Variants in PCMTD1 observed in about 807,000 individuals in gnomAD.
The protein encoded by PCMTD1 is protein-L-isoaspartate (D-aspartate) O-methyltransferase domain containing 1.
A neutral mutation model predicts 37.6 loss-of-function variants in PCMTD1; 12 were observed. That is an observed-to-expected ratio of 0.32 (90% CI 0.20 to 0.52). The LOEUF is 0.52. Ranked by LOEUF, PCMTD1 falls within the 20% of genes least tolerant of loss-of-function variation. The pLI is 0.97. For missense variants in PCMTD1, 235 were observed against 421.3 expected (o/e 0.56, Z 3.87); for synonymous variants, 117 against 135.8 (o/e 0.86, Z 0.96).
chr8:51,837,954 T>C (rs1425155821), intron 3 of PCMTD1, among the ~76,000 whole-genome samples: 1 of 152,078 alleles, frequency 6.6e-6, no homozygotes, highest in African/African-American at 2.4e-5. Flanking sequence ...TAATTTTTTG[T>C]ATTTTAGTAG....
chr8:51,850,217 G>A, intron 2 of PCMTD1: 3 of 592,094 alleles, frequency 5.1e-6, no homozygotes, highest in Non-Finnish European at 9.0e-6. Context: ...AGTAGTCCCT[G>A]GGAAAAAGCA....
At chr8:51,899,140 C>T, upstream of PCMTD1, 3 of 1,364,356 alleles carry the variant, frequency 2.2e-6, no homozygotes, top group South Asian at 1.6e-5. Flanking sequence ...ACAGGGGCAG[C>T]TCCCCGCGGA....
intron 1 of PCMTD1, among the ~76,000 whole-genome samples, chr8:51,869,532 T>C (rs1381443433): frequency 6.6e-6 from 1 of 152,112 alleles, no homozygotes; most frequent in Non-Finnish European, 1.5e-5. Flanking sequence ...AGTTATCTAG[T>C]AATGGCTGCT....
intron 5 of PCMTD1, among the ~76,000 whole-genome samples, chr8:51,824,257 G>C: frequency 6.6e-6 from 1 of 152,160 alleles, no homozygotes; most frequent in East Asian, 1.9e-4. Flanking sequence ...AAGTCAAATT[G>C]TCTCTGTTTG....
At chr8:51,881,648 CAACT>C (rs34876270) in intron 1 of PCMTD1, among the ~76,000 whole-genome samples, 104,032 of 151,584 alleles carry the variant, frequency 0.69, 42,145 homozygotes, top group Non-Finnish European at 0.9. Context: ...GGCATTCAAC[CAACT>C]GTTTTAGAAT....
intron 1 of PCMTD1, among the ~76,000 whole-genome samples, chr8:51,877,688 T>C (rs893248161): frequency 1.3e-5 from 2 of 152,196 alleles, no homozygotes; most frequent in Admixed American, 1.3e-4. Context: ...CCTACTGATA[T>C]ATGCCCTGAG....
intron 1 of PCMTD1, among the ~76,000 whole-genome samples, chr8:51,889,169 T>C (rs1007693625): frequency 2.0e-5 from 3 of 152,212 alleles, no homozygotes; most frequent in Non-Finnish European, 2.9e-5. Context: ...CAGTCCAAGT[T>C]TGGCCTCTAC....
Position 51,898,948 on chromosome 8 carries a change from C to G in PCMTD1, c.-114G>C. 1 of 1,418,432 alleles carries G rather than the reference C, an allele frequency of 7.1e-7. No homozygotes were observed. The highest frequency in any genetic ancestry group is 9.2e-7 in the Non-Finnish European group (1 of 1,087,084). 87.9% of individuals were successfully genotyped at this position (1,418,432 alleles called of 1,614,324 possible). A position where few individuals can be genotyped will look rare whatever the true frequency, so the allele number is the denominator to read the frequency against. On this transcript the variant is annotated 5_prime_UTR_variant, in exon 1 of 6. Transcript: ENST00000522514. ...GCGTTACCTGTGGCGCGGGCAGCGG[C>G]GCGCAGGCCAGGCGCTAGGACTCGG...
chr8:51,878,364 G>A (rs1237856384), intron 1 of PCMTD1, among the ~76,000 whole-genome samples: 1 of 150,342 alleles, frequency 6.7e-6, no homozygotes, highest in Non-Finnish European at 1.5e-5. Flanking sequence ...GGACACCCCT[G>A]GTGTACAGGA....
chr8:51,843,664 T>C (rs1370076710), intron 3 of PCMTD1, among the ~76,000 whole-genome samples: 1 of 152,052 alleles, frequency 6.6e-6, no homozygotes, highest in African/African-American at 2.4e-5. Context: ...TTCAAACTTA[T>C]TTGTGTTGTG....
At chr8:51,850,730 C>A (rs1249499875) in intron 2 of PCMTD1, among the ~76,000 whole-genome samples, 1 of 151,992 alleles carries the variant, frequency 6.6e-6, no homozygotes, top group Non-Finnish European at 1.5e-5. Flanking sequence ...TTCTACGAAA[C>A]TAATATAAAG....
At chr8:51,861,731 T>A (rs1026990886) in intron 1 of PCMTD1, among the ~76,000 whole-genome samples, 53 of 151,962 alleles carry the variant, frequency 3.5e-4, no homozygotes, top group South Asian at 6.2e-4. Flanking sequence ...TTTTAATTTT[T>A]TTTTTTTTAA....
At chr8:51,897,867 T>C (rs535439843) in intron 1 of PCMTD1, among the ~76,000 whole-genome samples, 52 of 152,310 alleles carry the variant, frequency 3.4e-4, no homozygotes, top group African/African-American at 1.2e-3. Flanking sequence ...TGATGCATTG[T>C]TGGCTAATAA....
At chr8:51,877,194 G>C (rs1007128896) in intron 1 of PCMTD1, among the ~76,000 whole-genome samples, 1 of 152,188 alleles carries the variant, frequency 6.6e-6, no homozygotes, top group East Asian at 1.9e-4. Flanking sequence ...TTTGCCATGA[G>C]AGTACACCGA....
intron 2 of PCMTD1, among the ~76,000 whole-genome samples, chr8:51,858,878 A>C (rs2038430355): frequency 6.6e-6 from 1 of 152,116 alleles, no homozygotes; most frequent in Admixed American, 6.5e-5. Context: ...CATTTACACA[A>C]TGGTCTCTTT....
At chr8:51,852,073 T>C (rs746821711) in intron 2 of PCMTD1, among the ~76,000 whole-genome samples, 11 of 152,216 alleles carry the variant, frequency 7.2e-5, no homozygotes, top group Non-Finnish European at 1.6e-4. Context: ...TAGATTCACA[T>C]AAATACTCAA....
At chr8:51,873,977 A>G (rs2038677044) in intron 1 of PCMTD1, among the ~76,000 whole-genome samples, 1 of 151,080 alleles carries the variant, frequency 6.6e-6, no homozygotes, top group Non-Finnish European at 1.5e-5. Flanking sequence ...CAGTGGCGCA[A>G]TCTCAGCTCA....
intron 2 of PCMTD1, among the ~76,000 whole-genome samples, chr8:51,855,752 G>A (rs994862325): frequency 2.6e-5 from 4 of 151,644 alleles, no homozygotes; most frequent in East Asian, 2.0e-4. Flanking sequence ...TCCGCCTCCC[G>A]GGTTCACACC....
chr8:51,826,990 A>G, intron 5 of PCMTD1: 1 of 940,142 alleles, frequency 1.1e-6, no homozygotes, highest in Non-Finnish European at 1.3e-6. Flanking sequence ...TTTGGCAAAT[A>G]ATTTATATAT....
Sources: gnomAD v4.1 joint callset for allele counts (sites outside exome capture counted in the v4.1 genomes callset) on GRCh38, gnomAD v4.1.1 for gene constraint, MANE v1.5 for transcripts, NCBI Gene and HGNC (gene_info 2026-07-23, HGNC 2026-07-21) for gene names.